The following SLC12A7 variants were observed in gnomAD, a reference collection of about 807,000 sequenced individuals.
SLC12A7 encodes solute carrier family 12 member 7, also known as K-Cl cotransporter 4.
SLC12A7 carries 100 observed loss-of-function variants against 120.6 expected under a neutral mutation model. That is an observed-to-expected ratio of 0.83 (90% confidence interval 0.71 to 0.98). SLC12A7 has a LOEUF of 0.98. Among genes scored for constraint, SLC12A7 ranks in the 50% least tolerant of loss-of-function variants. The pLI is 0.00. For missense variants in SLC12A7, 1,373 were observed against 1,548.1 expected, an observed-to-expected ratio of 0.89 and a Z score of 1.90; for synonymous variants, 760 against 678.0, an observed-to-expected ratio of 1.12 and a Z score of -1.88.
chr5:1,105,939 C>T (rs1329419510), intron 1 of SLC12A7, among the ~76,000 whole-genome samples: 1 of 152,188 alleles, frequency 6.6e-6, no homozygotes, highest in Non-Finnish European at 1.5e-5. Flanking sequence ...GGAGGTCTAC[C>T]CCTCAAGGCC....
Position 1,064,192 on chromosome 5 carries a change from G to A in SLC12A7, c.2498C>T (p.Ser833Leu), listed in dbSNP as rs201925892. ...QALLVAKNVD[S>L]FPQNQERFGG... is the part of the protein sequence containing the mutation. Reference sequence around the variant, plus strand: ...GAAGCGCTCCTGGTTTTGCGGAAACGAGTCGACGTTCTTGGCCACCAGCAG... The same window carrying A: ...GAAGCGCTCCTGGTTTTGCGGAAACAAGTCGACGTTCTTGGCCACCAGCAG... The change falls in exon 19 of 24, where the codon TCG (serine) becomes TTG (leucine). Residue 833 changes from serine (S) to leucine (L), a missense_variant. Ser to Leu is a moderately radical substitution (Grantham distance 145, BLOSUM62 -2). Transcript: ENST00000264930. 90 of 1,612,382 alleles carry A rather than the reference G, an allele frequency of 5.6e-5. No individual in the cohort carries two copies. Among genetic ancestry groups the A allele is most frequent in the East Asian group, 4.5e-4 (20 of 44,854 alleles).
intron 12 of SLC12A7, 63 bp from the exon 13 acceptor site, chr5:1,076,875 G>A (rs1157378950): frequency 8.7e-7 from 1 of 1,149,934 alleles, no homozygotes; most frequent in Non-Finnish European, 1.3e-6. Flanking sequence ...AGAAGCTGCA[G>A]GCTGGTCAGG....
intron 23 of SLC12A7, 44 bp from the exon 24 acceptor site, chr5:1,052,495 G>A (rs202108706): frequency 1.7e-5 from 26 of 1,496,486 alleles, no homozygotes; most frequent in East Asian, 6.8e-5. Context: ...TTACCTGAGC[G>A]TGTGTAGCTG....
the SLC12A7 span, among the ~76,000 whole-genome samples, chr5:1,118,799 C>G: frequency 2.6e-5 from 4 of 152,214 alleles, no homozygotes. Flanking sequence ...GTGCTGGCCC[C>G]GCAGCCTTGC....
intron 9 of SLC12A7, among the ~76,000 whole-genome samples, chr5:1,080,255 GGCTC>G (rs757356847): frequency 0.13 from 838 of 6,390 alleles, 54 homozygotes; most frequent in East Asian, 0.46. Flanking sequence ...GCCACGCAGA[GGCTC>G]TGCCCCCACG....
intron 23 of SLC12A7, among the ~76,000 whole-genome samples, chr5:1,053,085 C>A (rs547168368): frequency 1.3e-5 from 2 of 152,220 alleles, no homozygotes; most frequent in African/African-American, 4.8e-5. Flanking sequence ...AGCCCCAGGG[C>A]AGCCCTGAGC....
chr5:1,122,302 A>C, the SLC12A7 span, among the ~76,000 whole-genome samples: 3 of 152,128 alleles, frequency 2.0e-5, no homozygotes, highest in Non-Finnish European at 2.9e-5. Flanking sequence ...GGGGTGTCAG[A>C]ATCTCACCAG....
intron 1 of SLC12A7, among the ~76,000 whole-genome samples, chr5:1,097,401 AACAC>A (rs966807428): frequency 6.6e-6 from 1 of 152,052 alleles, no homozygotes. Flanking sequence ...CACCCCGAAA[AACAC>A]ACACACAAGC....
rs186518255 is a variant in SLC12A7 at position 1,097,397 on chromosome 5, G to A, written c.125-3149C>T. On this transcript the variant is annotated intron_variant, in intron 1 of 23. Coordinates refer to ENST00000264930, the MANE Select transcript of SLC12A7 (RefSeq NM_006598.3). Reference sequence around the variant, plus strand: ...GCCTATCAGGCCCCAAGAACACCCCGAAAAACACACACACAAGCTCCCCAC... The same window carrying A: ...GCCTATCAGGCCCCAAGAACACCCCAAAAAACACACACACAAGCTCCCCAC... Among the ~76,000 whole-genome samples the A allele has an allele frequency of 3.0e-3, 456 of 152,144 alleles. 2 individuals carry two copies. The highest frequency in any genetic ancestry group is 0.01 in the African/African-American group (422 of 41,492).
At chr5:1,131,589 C>CCT in the SLC12A7 span, among the ~76,000 whole-genome samples, 2 of 152,204 alleles carry the variant, frequency 1.3e-5, no homozygotes, top group African/African-American at 4.8e-5. Flanking sequence ...GTGTTGGGGG[C>CCT]CTCACCTGAC....
chr5:1,082,529 A>AG (rs1739293184), intron 8 of SLC12A7, among the ~76,000 whole-genome samples: 3 of 75,128 alleles, frequency 4.0e-5, no homozygotes, highest in Admixed American at 1.4e-4. Context: ...TTCCCGTCTC[A>AG]GGTTCTGGAA....
upstream of SLC12A7, among the ~76,000 whole-genome samples, chr5:1,114,564 C>T (rs942087664): frequency 6.6e-6 from 1 of 152,174 alleles, no homozygotes; most frequent in African/African-American, 2.4e-5. Context: ...TTTCAGTGCT[C>T]TCTTCCTACC....
intron 21 of SLC12A7, among the ~76,000 whole-genome samples, chr5:1,058,974 C>T (rs927553312): frequency 9.2e-5 from 14 of 152,210 alleles, no homozygotes; most frequent in East Asian, 1.9e-4. Flanking sequence ...TTCCCGCTCC[C>T]GGTCCCTCCT....
At chr5:1,092,936 C>A (rs1217748210) in intron 3 of SLC12A7, among the ~76,000 whole-genome samples, 1 of 152,156 alleles carries the variant, frequency 6.6e-6, no homozygotes, top group Non-Finnish European at 1.5e-5. Context: ...TCTCAGGCAA[C>A]CCGTCTGTAC....
intron 6 of SLC12A7, among the ~76,000 whole-genome samples, chr5:1,086,317 C>T (rs1044173913): frequency 7.2e-5 from 11 of 152,148 alleles, no homozygotes; most frequent in Non-Finnish European, 1.0e-4. Context: ...GCAGGGACAG[C>T]GGGTTTCAGA....
chr5:1,059,258 T>G (rs564863438), intron 21 of SLC12A7, among the ~76,000 whole-genome samples: 2 of 152,012 alleles, frequency 1.3e-5, no homozygotes, highest in Admixed American at 1.3e-4. Flanking sequence ...GGTCTGGGAG[T>G]GGACAGGACC....
intron 1 of SLC12A7, among the ~76,000 whole-genome samples, chr5:1,097,167 G>A (rs559514538): frequency 2.0e-5 from 3 of 152,284 alleles, no homozygotes; most frequent in South Asian, 2.1e-4. Context: ...GTCTTAGCAT[G>A]TAACTATGTC....
chr5:1,095,113 AC>A (rs910082258), intron 1 of SLC12A7, among the ~76,000 whole-genome samples: 5 of 145,736 alleles, frequency 3.4e-5, no homozygotes, highest in Admixed American at 6.8e-5. Context: ...GAAAGTCCCT[AC>A]CCCCAGGCCT....
chr5:1,084,504 G>GC (rs1270383102), intron 7 of SLC12A7, among the ~76,000 whole-genome samples: 1 of 152,168 alleles, frequency 6.6e-6, no homozygotes, highest in Non-Finnish European at 1.5e-5. Context: ...CAGGAGTGCC[G>GC]CCCCCGACGT....
Sources: gnomAD v4.1 joint callset for allele counts (sites outside exome capture counted in the v4.1 genomes callset) on GRCh38, gnomAD v4.1.1 for gene constraint, MANE v1.5 for transcripts, NCBI Gene and HGNC (gene_info 2026-07-23, HGNC 2026-07-21) for gene names.